The following GPHN variants were observed in gnomAD, a reference collection of about 807,000 sequenced individuals.
GPHN encodes the protein gephyrin.
Under a neutral mutation model 95.5 loss-of-function variants are expected in GPHN, and 17 were observed. That is an observed-to-expected ratio of 0.18 (90% CI 0.12 to 0.27). The LOEUF (loss-of-function observed/expected upper bound fraction) is 0.27, where lower values mean the gene tolerates loss of function less well. Among genes scored for constraint, GPHN ranks in the 10% least tolerant of loss-of-function variants. The pLI is 1.00. For missense variants in GPHN, 660 were observed against 978.1 expected (o/e 0.67, Z 4.34); for synonymous variants, 320 against 322.5 (o/e 0.99, Z 0.08).
chr14:66,706,166 A>G (rs1260944149), intron 2 of GPHN, among the ~76,000 whole-genome samples: 1 of 152,222 alleles, frequency 6.6e-6, no homozygotes, highest in African/African-American at 2.4e-5. Context: ...AAGAGAGGAC[A>G]CAAAGAAATG....
At chr14:67,289,980 G>A in the GPHN span, among the ~76,000 whole-genome samples, 5 of 151,890 alleles carry the variant, frequency 3.3e-5, no homozygotes, top group Admixed American at 6.6e-5. Flanking sequence ...CACCGTGTTC[G>A]CCAGGATGGT....
At chr14:67,657,598 G>GCGCACA in the GPHN span, among the ~76,000 whole-genome samples, 23 of 112,424 alleles carry the variant, frequency 2.0e-4, no homozygotes, top group African/African-American at 7.1e-4. Context: ...GCGCGCGCGT[G>GCGCACA]CACACACACA....
At chr14:66,529,569 T>A (rs1316264029) in intron 1 of GPHN, among the ~76,000 whole-genome samples, 1 of 152,170 alleles carries the variant, frequency 6.6e-6, no homozygotes, top group Non-Finnish European at 1.5e-5. Flanking sequence ...ATTTTCAGCA[T>A]TTTTGTGCTG....
At chr14:66,932,460 T>TTTG (rs1567118475) in intron 8 of GPHN, among the ~76,000 whole-genome samples, 3 of 128,178 alleles carry the variant, frequency 2.3e-5, no homozygotes, top group Non-Finnish European at 3.3e-5. Flanking sequence ...TTTTTTTTTT[T>TTTG]TTTTTTTTTT....
intron 16 of GPHN, among the ~76,000 whole-genome samples, chr14:67,119,123 A>T (rs2078866408): frequency 6.6e-6 from 1 of 152,254 alleles, no homozygotes; most frequent in Admixed American, 6.5e-5. Context: ...ATATGAATCC[A>T]TGTGGAACTA....
At chr14:67,614,597 C>G in the GPHN span, among the ~76,000 whole-genome samples, 2 of 150,822 alleles carry the variant, frequency 1.3e-5, no homozygotes, top group South Asian at 4.2e-4. Flanking sequence ...GAACCCATCT[C>G]TCCAAAAAAA....
At chr14:67,213,585 T>A in the GPHN span, among the ~76,000 whole-genome samples, 1 of 152,130 alleles carries the variant, frequency 6.6e-6, no homozygotes, top group African/African-American at 2.4e-5. Context: ...TTGGCTTGGT[T>A]CCAAGTCTTT....
the GPHN span, chr14:67,204,719 T>C: frequency 6.2e-7 from 1 of 1,613,982 alleles, no homozygotes; most frequent in South Asian, 1.1e-5. Context: ...AAAGCCAAAG[T>C]TTCCAAAGTG....
At chr14:67,734,866 T>C in the GPHN span, among the ~76,000 whole-genome samples, 3 of 152,320 alleles carry the variant, frequency 2.0e-5, no homozygotes, top group East Asian at 5.8e-4. Context: ...GCAGAATGCA[T>C]CATTTCCTGC....
chr14:66,518,208 T>C (rs545920994), intron 1 of GPHN, among the ~76,000 whole-genome samples: 1 of 151,326 alleles, frequency 6.6e-6, no homozygotes, highest in South Asian at 2.1e-4. Flanking sequence ...AAAGAAGACA[T>C]ACAAATGGCC....
intron 11 of GPHN, among the ~76,000 whole-genome samples, chr14:67,065,603 C>G (rs1160970421): frequency 2.0e-5 from 3 of 152,142 alleles, no homozygotes; most frequent in African/African-American, 4.8e-5. Flanking sequence ...CTTTACGAAT[C>G]TGGGTGCTCC....
At chr14:67,511,881 C>T in the GPHN span, among the ~76,000 whole-genome samples, 2 of 152,226 alleles carry the variant, frequency 1.3e-5, no homozygotes, top group African/African-American at 2.4e-5. Flanking sequence ...TCTTTTCCAT[C>T]TTGGAAATGT....
chr14:67,115,471 A>G (rs2026653), intron 16 of GPHN, among the ~76,000 whole-genome samples: 8,287 of 152,170 alleles, frequency 0.054, 233 homozygotes, highest in Middle Eastern at 0.068. Context: ...GGTTGCTCAC[A>G]CCTGTAATCC....
At chr14:67,286,741 T>C in the GPHN span, among the ~76,000 whole-genome samples, 1 of 151,324 alleles carries the variant, frequency 6.6e-6, no homozygotes, top group African/African-American at 2.4e-5. Flanking sequence ...GACTGTGGTC[T>C]TAGCTACTTG....
the GPHN span, among the ~76,000 whole-genome samples, chr14:67,604,032 G>C: frequency 6.7e-6 from 1 of 148,956 alleles, no homozygotes; most frequent in East Asian, 2.0e-4. Flanking sequence ...TTGCTCTGTC[G>C]CCTAGGCAAG....
chr14:67,171,398 G>T (rs2082590919), intron 21 of GPHN, among the ~76,000 whole-genome samples: 1 of 151,050 alleles, frequency 6.6e-6, no homozygotes, highest in Non-Finnish European at 1.5e-5. Flanking sequence ...AAAAGAAAAA[G>T]AAAGGAACAC....
At chr14:67,550,037 G>T in the GPHN span, among the ~76,000 whole-genome samples, 16 of 152,236 alleles carry the variant, frequency 1.1e-4, 1 homozygote, top group Admixed American at 5.2e-4. Flanking sequence ...TTCTGGGGTT[G>T]TGGGGTACAG....
At chr14:67,589,972 G>T in the GPHN span, 1 of 1,387,686 alleles carries the variant, frequency 7.2e-7, no homozygotes, top group Non-Finnish European at 9.4e-7. Context: ...ATCCATAATG[G>T]TTCCTAGGAC....
At chr14:66,694,301 C>G (rs1336610149) in intron 2 of GPHN, among the ~76,000 whole-genome samples, 1 of 152,152 alleles carries the variant, frequency 6.6e-6, no homozygotes, top group South Asian at 2.1e-4. Context: ...ACCTGAATTT[C>G]TTGGCACCTT....
Sources: allele counts gnomAD v4.1 joint callset (sites outside exome capture counted in the v4.1 genomes callset), GRCh38; gene constraint gnomAD v4.1.1; transcripts MANE v1.5; gene names NCBI Gene and HGNC (gene_info 2026-07-23, HGNC 2026-07-21).